MCM10: variants seen among roughly 807,000 people sequenced by gnomAD.
MCM10 encodes protein MCM10 homolog.
MCM10 carries 91 observed loss-of-function variants against 109.9 expected under a neutral mutation model. That is an observed-to-expected ratio of 0.83 (90% CI 0.70 to 0.99). The LOEUF (loss-of-function observed/expected upper bound fraction) is 0.99. Among genes scored for constraint, MCM10 ranks in the 50% least tolerant of loss-of-function variants. MCM10 has a pLI of 0.00. For synonymous variants in MCM10, 380 were observed against 387.2 expected, an observed-to-expected ratio of 0.98 and a Z score of 0.22; for missense variants, 1,077 against 1,061.2, an observed-to-expected ratio of 1.01 and a Z score of -0.21.
At chr10:13,184,150 G>A (rs555652762) in intron 8 of MCM10, among the ~76,000 whole-genome samples, 144 of 152,016 alleles carry the variant, frequency 9.5e-4, no homozygotes, top group African/African-American at 2.6e-3. Flanking sequence ...GAGCCACCAC[G>A]CCCAGCCTAT....
intron 1 of MCM10, among the ~76,000 whole-genome samples, chr10:13,162,462 C>A (rs1833940053): frequency 1.3e-5 from 2 of 152,108 alleles, no homozygotes; most frequent in Admixed American, 6.5e-5. Flanking sequence ...TGCACGGGGA[C>A]AAAGAGACCA....
At chr10:13,191,519 A>G (rs1001201135) in intron 11 of MCM10, 120 bp downstream of exon 11, 7 of 704,476 alleles carry the variant, frequency 9.9e-6, no homozygotes, top group Non-Finnish European at 1.5e-5. Context: ...CCAAAATCTC[A>G]GAAATCACCA....
chr10:13,172,498 C>A lies in MCM10; in HGVS notation c.454+18C>A. On this transcript the variant is annotated intron_variant, in intron 4 of 19. Coordinates refer to ENST00000378714, the MANE Select transcript of MCM10 (RefSeq NM_018518.5). The surrounding 1 kb of genome is among the most constrained non-coding windows in gnomAD (Gnocchi z 5.2). ...ATCCCCTGGTAAGAAGACTGTCATTCTGGCAATCGTGTGCATTTATTTTAT... is the reference window on the plus strand; with the variant it reads ...ATCCCCTGGTAAGAAGACTGTCATTATGGCAATCGTGTGCATTTATTTTAT... 1.2e-6 allele frequency: 2 copies of A among 1,609,162 alleles called. No homozygotes were observed. The highest frequency in any genetic ancestry group is 1.7e-6 in the Non-Finnish European group (2 of 1,175,882).
At chr10:13,186,131 C>T (rs377400410) in intron 8 of MCM10, 33 bp from the exon 9 acceptor site, 47 of 1,252,712 alleles carry the variant, frequency 3.8e-5, no homozygotes, top group Non-Finnish European at 4.5e-5. Flanking sequence ...TAATTTTGTC[C>T]GCCTTTAACT....
chr10:13,195,468 GTAGCCTAGAGGAAGATAGTGTTTTA>G, intron 14 of MCM10, 199 bp downstream of exon 14: 1 of 499,822 alleles, frequency 2.0e-6, no homozygotes, highest in East Asian at 3.4e-5. Flanking sequence ...GCTACAAGAG[GTAGCCTAGAGGAAGATAGTGTTTTA>G]TAACCAGAGG....
At chr10:13,209,004 A>T in intron 18 of MCM10, 87 bp from the exon 19 acceptor site, 1 of 900,322 alleles carries the variant, frequency 1.1e-6, no homozygotes, top group Non-Finnish European at 1.9e-6. Flanking sequence ...ATGGGGGCCT[A>T]CTCTCCCCAG....
intron 5 of MCM10, among the ~76,000 whole-genome samples, chr10:13,174,349 T>C (rs1263120757): frequency 6.6e-6 from 1 of 151,948 alleles, no homozygotes; most frequent in Admixed American, 6.6e-5. Context: ...AGGCTGATCT[T>C]GAACTCTTGA....
At chr10:13,177,508 CTTTTTTTTTTT>C (rs60316855) in intron 6 of MCM10, among the ~76,000 whole-genome samples, 1 of 105,264 alleles carries the variant, frequency 9.5e-6, no homozygotes, top group Non-Finnish European at 1.8e-5. Context: ...GATTTTGGAG[CTTTTTTTTTTT>C]TTTTTTTTTT....
At position 13,201,455 on chromosome 10, in the gene MCM10, C is replaced by T. The variant is rs1834497187; in HGVS notation, c.2273C>T (p.Pro758Leu). ...GAGATGCAGGAGCGCTACTTTGAGC[C>T]ACTGGTGAAAAAAGAACAAATGGAA... ...EAEMQERYFEPLVKKEQMEEK... is the reference protein window; with the variant it reads ...EAEMQERYFELLVKKEQMEEK... The change falls in exon 17 of 20, where the codon CCA (proline) becomes CTA (leucine). Residue 758 changes from proline (P) to leucine (L), a missense_variant. Coordinates refer to ENST00000378714, the MANE Select transcript of MCM10 (RefSeq NM_018518.5). 1 of 1,613,154 alleles carries T rather than the reference C, an allele frequency of 6.2e-7. No homozygotes were observed. Among genetic ancestry groups the T allele is most frequent in the Non-Finnish European group, 8.5e-7 (1 of 1,179,616 alleles).
At chr10:13,170,804 G>C in intron 2 of MCM10, 118 bp from the exon 3 acceptor site, 1 of 753,302 alleles carries the variant, frequency 1.3e-6, no homozygotes, top group Non-Finnish European at 2.1e-6. Flanking sequence ...CCCAGGTAAT[G>C]AGCATTGTAC....
intron 18 of MCM10, among the ~76,000 whole-genome samples, chr10:13,204,683 AT>A (rs1189118305): frequency 2.0e-5 from 3 of 151,828 alleles, no homozygotes; most frequent in Non-Finnish European, 4.4e-5. Context: ...TGCACATAAT[AT>A]TTTTTTCCTC....
intron 10 of MCM10, among the ~76,000 whole-genome samples, chr10:13,190,078 A>G (rs562179512): frequency 2.1e-4 from 32 of 152,318 alleles, no homozygotes; most frequent in African/African-American, 7.2e-4. Flanking sequence ...CCCGCAGGCT[A>G]TGGTTTGGAT....
intron 18 of MCM10, 114 bp from the exon 19 acceptor site, chr10:13,208,977 G>A: frequency 1.3e-6 from 1 of 765,100 alleles, no homozygotes; most frequent in Non-Finnish European, 2.3e-6. Flanking sequence ...ATGTCACCTT[G>A]AACAGCTTCT....
Position 13,170,979 on chromosome 10 carries a change from T to G in MCM10, c.65T>G (p.Leu22Trp). Residue 22 changes from leucine (L) to tryptophan (W), a missense_variant, in exon 3 of 20, where the codon TTG becomes TGG. Leu to Trp is a moderately conservative substitution (Grantham distance 61). Transcript: ENST00000378714. ...TALLEENESA[L>W]DCNSEENNFL... The stretch of plus-strand genomic sequence containing the variant: ...CTGCTGGAAGAAAATGAGTCAGCCT[T>G]GGATTGTAATTCAGAAGAAAATAAC... The G allele has an allele frequency of 1.2e-6, 2 of 1,614,200 alleles. No homozygotes were observed. The highest frequency in any genetic ancestry group is 1.7e-6 in the Non-Finnish European group (2 of 1,180,044).
Position 13,195,150 on chromosome 10 carries a change from GC to G in MCM10, c.1859del (p.Pro620ArgfsTer4). The G allele has an allele frequency of 6.2e-7, 1 of 1,614,140 alleles. No individual in the cohort carries two copies. Among genetic ancestry groups the G allele is most frequent in the Non-Finnish European group, 8.5e-7 (1 of 1,180,026 alleles). On this transcript the variant is annotated frameshift_variant, in exon 14 of 20. Transcript: ENST00000378714. LOFTEE classifies it high-confidence loss of function. ...ATCCGAGTTCCCCAGGCTGGAGGGA[GC>G]CCCGGCCACAATGACGCCCAAGCTG... is the stretch of plus-strand genomic sequence containing the variant. ...TGSEFPRLEG[A>X]PATMTPKLGR...
At chr10:13,199,789 A>C (rs565554728) in intron 16 of MCM10, among the ~76,000 whole-genome samples, 1 of 152,346 alleles carries the variant, frequency 6.6e-6, no homozygotes, top group Non-Finnish European at 1.5e-5. Context: ...ATGGAGGCTC[A>C]CATAGGTTTG....
At chr10:13,170,806 G>C in intron 2 of MCM10, 116 bp from the exon 3 acceptor site, 1 of 774,806 alleles carries the variant, frequency 1.3e-6, no homozygotes, top group Non-Finnish European at 2.1e-6. Flanking sequence ...CAGGTAATGA[G>C]CATTGTACCC....
At chr10:13,194,973 A>G in intron 13 of MCM10, 68 bp from the exon 14 acceptor site, 1 of 1,457,962 alleles carries the variant, frequency 6.9e-7, no homozygotes. Context: ...CTCCCAGTCC[A>G]CTTTGAGTTC....
rs549901114 is a variant in MCM10, at chr10:13,182,018, T to A, written c.931-915T>A. On this transcript the variant is annotated intron_variant, in intron 7 of 19. Coordinates refer to ENST00000378714, the MANE Select transcript of MCM10 (RefSeq NM_018518.5). The surrounding 1 kb of genome is among the most constrained non-coding windows in gnomAD (Gnocchi z 4.2). ...AAAACAACCGTAAAAGTGGAGGTTT[T>A]TCACATTATAATCGGTCAGCATTTT... is the stretch of plus-strand genomic sequence containing the variant. 6.6e-6 allele frequency among the ~76,000 whole-genome samples: 1 copy of A among 152,342 alleles called. No homozygotes were observed. The highest frequency in any genetic ancestry group is 1.9e-4 in the East Asian group (1 of 5,186).
Sources: gnomAD v4.1 joint callset for allele counts (sites outside exome capture counted in the v4.1 genomes callset) on GRCh38, gnomAD v4.1.1 for gene constraint, Gnocchi (gnomAD v3.1) non-coding constraint, MANE v1.5 for transcripts, NCBI Gene and HGNC (gene_info 2026-07-23, HGNC 2026-07-21) for gene names.